Variants in SKAP2 observed in about 807,000 individuals in gnomAD.
SKAP2 encodes the protein src kinase-associated phosphoprotein 2.
In SKAP2, 28 loss-of-function variants were observed where a neutral mutation model predicts 54.9. That is an observed-to-expected ratio of 0.51 (90% CI 0.38 to 0.70). The LOEUF (loss-of-function observed/expected upper bound fraction) is 0.70. Among genes scored for constraint, SKAP2 ranks in the 30% least tolerant of loss-of-function variants. The pLI is 0.00. For missense variants in SKAP2, 356 were observed against 424.1 expected, an observed-to-expected ratio of 0.84 and a Z score of 1.41; for synonymous variants, 137 against 134.3, an observed-to-expected ratio of 1.02 and a Z score of -0.14.
At chr7:26,818,520 G>A (rs550320353) in intron 4 of SKAP2, among the ~76,000 whole-genome samples, 29 of 152,254 alleles carry the variant, frequency 1.9e-4, no homozygotes, top group African/African-American at 5.8e-4. Context: ...ACACAGGCAT[G>A]GGCAAAGTTC....
intron 11 of SKAP2, among the ~76,000 whole-genome samples, chr7:26,680,174 T>C (rs943814508): frequency 6.6e-6 from 1 of 152,172 alleles, no homozygotes. Context: ...AGCAATGTGG[T>C]TTGCAAATTA....
At chr7:26,855,327 C>T (rs1177140934) in intron 1 of SKAP2, among the ~76,000 whole-genome samples, 2 of 152,042 alleles carry the variant, frequency 1.3e-5, no homozygotes, top group African/African-American at 4.8e-5. Flanking sequence ...AAGCTAATGT[C>T]TCTGGCAAGG....
At chr7:26,842,639 A>G (rs916474236) in intron 4 of SKAP2, among the ~76,000 whole-genome samples, 2 of 151,144 alleles carry the variant, frequency 1.3e-5, no homozygotes, top group African/African-American at 4.8e-5. Flanking sequence ...GTGTATGTGT[A>G]TACACACATA....
chr7:26,799,935 G>A (rs543648416), intron 4 of SKAP2, among the ~76,000 whole-genome samples: 6 of 151,836 alleles, frequency 4.0e-5, no homozygotes, highest in Non-Finnish European at 5.9e-5. Context: ...TGGCTAATAC[G>A]GTGAAACCCT....
At chr7:26,700,788 G>GT (rs1787003321) in intron 9 of SKAP2, among the ~76,000 whole-genome samples, 1 of 152,160 alleles carries the variant, frequency 6.6e-6, no homozygotes, top group Non-Finnish European at 1.5e-5. Context: ...ACTTTCTACT[G>GT]TTTTTGAAGT....
intron 5 of SKAP2, 147 bp downstream of exon 5, chr7:26,739,740 G>T: frequency 1.7e-6 from 1 of 580,296 alleles, no homozygotes; most frequent in Non-Finnish European, 3.0e-6. Context: ...TATATTTTGT[G>T]GTTTGGATAA....
intron 9 of SKAP2, among the ~76,000 whole-genome samples, chr7:26,718,947 G>A (rs1349665326): frequency 1.3e-5 from 2 of 152,168 alleles, no homozygotes; most frequent in Non-Finnish European, 2.9e-5. Flanking sequence ...GGGAGGATGA[G>A]GCAGAAGGAT....
intron 4 of SKAP2, among the ~76,000 whole-genome samples, chr7:26,800,145 T>C (rs1485534611): frequency 6.6e-6 from 1 of 151,210 alleles, no homozygotes; most frequent in South Asian, 2.1e-4. Context: ...TAAAATAAAA[T>C]AAAAACTGAA....
At chr7:26,695,867 G>A (rs983751492) in intron 9 of SKAP2, among the ~76,000 whole-genome samples, 4 of 152,138 alleles carry the variant, frequency 2.6e-5, no homozygotes, top group Non-Finnish European at 5.9e-5. Flanking sequence ...CAAGATGCCC[G>A]AGTGGGAGAT....
intron 10 of SKAP2, among the ~76,000 whole-genome samples, chr7:26,687,114 TG>T (rs1210232080): frequency 1.3e-5 from 2 of 151,322 alleles, no homozygotes; most frequent in African/African-American, 4.9e-5. Context: ...AAGTATATGG[TG>T]ATTTCTAACA....
At chr7:26,805,768 T>C (rs986427139) in intron 4 of SKAP2, among the ~76,000 whole-genome samples, 1 of 152,212 alleles carries the variant, frequency 6.6e-6, no homozygotes, top group Admixed American at 6.5e-5. Flanking sequence ...TCCCCAATGC[T>C]TGACTCACAG....
At chr7:26,723,302 A>T (rs1787618401) in intron 9 of SKAP2, among the ~76,000 whole-genome samples, 1 of 152,180 alleles carries the variant, frequency 6.6e-6, no homozygotes, top group Non-Finnish European at 1.5e-5. Context: ...AACCGTGCAG[A>T]TGTTGAAGCA....
chr7:26,850,530 G>A (rs1785017458), intron 3 of SKAP2, among the ~76,000 whole-genome samples: 1 of 151,210 alleles, frequency 6.6e-6, no homozygotes, highest in Admixed American at 6.6e-5. Flanking sequence ...AGGCTGCAGT[G>A]AGTCATGATC....
At chr7:26,740,151 T>TAAAAAAAAAAAAAA (rs60264987) in intron 4 of SKAP2, among the ~76,000 whole-genome samples, 187 bp from the exon 5 acceptor site, 1 of 129,852 alleles carries the variant, frequency 7.7e-6, no homozygotes, top group African/African-American at 2.8e-5. Context: ...GTCTCAAAAG[T>TAAAAAAAAAAAAAA]AAAAAAAAAA....
At chr7:26,737,233 C>A (rs568432779) in intron 6 of SKAP2, among the ~76,000 whole-genome samples, 1 of 152,246 alleles carries the variant, frequency 6.6e-6, no homozygotes, top group African/African-American at 2.4e-5. Flanking sequence ...CAATATCATA[C>A]AAAACTATAT....
the SKAP2 span, among the ~76,000 whole-genome samples, chr7:26,660,617 A>T: frequency 6.6e-6 from 1 of 152,070 alleles, no homozygotes; most frequent in Non-Finnish European, 1.5e-5. Flanking sequence ...ATCTTTAATC[A>T]CAGTTGCCAC....
intron 4 of SKAP2, among the ~76,000 whole-genome samples, chr7:26,795,514 T>G: frequency 6.6e-6 from 1 of 152,220 alleles, no homozygotes; most frequent in East Asian, 1.9e-4. Flanking sequence ...GTTAATTAAA[T>G]GTAATCAACA....
intron 11 of SKAP2, among the ~76,000 whole-genome samples, chr7:26,682,383 A>G (rs1786522567): frequency 6.6e-6 from 1 of 152,168 alleles, no homozygotes; most frequent in African/African-American, 2.4e-5. Context: ...ACACCCATCA[A>G]TAGCCCAGAA....
chr7:26,844,271 CAAAG>C (rs1784879861), intron 3 of SKAP2, 134 bp from the exon 4 acceptor site: 1 of 575,972 alleles, frequency 1.7e-6, no homozygotes, highest in African/African-American at 1.9e-5. Flanking sequence ...CATGGAAAAA[CAAAG>C]AAAACTTTTA....
Sources: gnomAD v4.1 joint callset for allele counts (sites outside exome capture counted in the v4.1 genomes callset) on GRCh38, gnomAD v4.1.1 for gene constraint, MANE v1.5 for transcripts, NCBI Gene and HGNC (gene_info 2026-07-23, HGNC 2026-07-21) for gene names.